The following ARMC2 variants were observed in gnomAD, a reference collection of about 807,000 sequenced individuals.
ARMC2 encodes armadillo repeat-containing protein 2.
A neutral mutation model predicts 90.3 loss-of-function variants in ARMC2; 67 were observed. That is an observed-to-expected ratio of 0.74 (90% CI 0.61 to 0.91). The LOEUF (loss-of-function observed/expected upper bound fraction) is 0.91, where lower values mean the gene tolerates loss of function less well. ARMC2 is among the 40% of genes least tolerant of loss of function. The pLI, the probability that ARMC2 is intolerant of heterozygous loss-of-function variation, is 0.00. For missense variants in ARMC2, 920 were observed against 1,030.9 expected, an observed-to-expected ratio of 0.89 and a Z score of 1.47; for synonymous variants, 393 against 393.0, an observed-to-expected ratio of 1.00 and a Z score of 0.00.
At chr6:109,000,560 T>C in the ARMC2 span, 1 of 1,611,854 alleles carries the variant, frequency 6.2e-7, no homozygotes, top group Non-Finnish European at 8.5e-7. Flanking sequence ...CTAAATTCTG[T>C]AGTTTTTGAG....
chr6:108,920,115 A>G (rs146891331), intron 10 of ARMC2, among the ~76,000 whole-genome samples: 454 of 152,304 alleles, frequency 3.0e-3, no homozygotes, highest in Middle Eastern at 0.01. Flanking sequence ...TTTTGAGATT[A>G]GATGAAGCTA....
At chr6:109,021,078 C>G in the ARMC2 span, among the ~76,000 whole-genome samples, 1 of 152,100 alleles carries the variant, frequency 6.6e-6, no homozygotes, top group East Asian at 1.9e-4. Context: ...ACAGCAGCCT[C>G]GAACTCTTGG....
chr6:109,002,573 G>C, the ARMC2 span, among the ~76,000 whole-genome samples: 1 of 152,186 alleles, frequency 6.6e-6, no homozygotes, highest in Non-Finnish European at 1.5e-5. Flanking sequence ...TAAAACCAGA[G>C]TTTTGCATAA....
chr6:108,971,140 C>G (rs1778738547), intron 17 of ARMC2, among the ~76,000 whole-genome samples: 1 of 152,112 alleles, frequency 6.6e-6, no homozygotes, highest in Non-Finnish European at 1.5e-5. Context: ...ACAAGGATCA[C>G]TTGAATCTGG....
chr6:109,009,666 A>G, the ARMC2 span: 4 of 597,922 alleles, frequency 6.7e-6, no homozygotes, highest in Non-Finnish European at 8.6e-6. Flanking sequence ...CCCGCAAAGC[A>G]CCGCCCCTCC....
chr6:108,944,485 C>A (rs1174871127), intron 12 of ARMC2, among the ~76,000 whole-genome samples: 1 of 152,180 alleles, frequency 6.6e-6, no homozygotes, highest in Non-Finnish European at 1.5e-5. Flanking sequence ...GAGAGATGGG[C>A]ACAGGCTCTA....
At chr6:108,952,464 CAG>C (rs1306375849) in intron 12 of ARMC2, among the ~76,000 whole-genome samples, 2 of 151,090 alleles carry the variant, frequency 1.3e-5, no homozygotes, top group East Asian at 2.0e-4. Context: ...CGCTTCTCCA[CAG>C]GGGGCAATTT....
chr6:108,958,149 G>A (rs537604764), intron 13 of ARMC2, among the ~76,000 whole-genome samples: 1 of 152,222 alleles, frequency 6.6e-6, no homozygotes, highest in South Asian at 2.1e-4. Flanking sequence ...CCATGATGTG[G>A]GGACCTCATG....
chr6:109,029,115 G>A, the ARMC2 span, among the ~76,000 whole-genome samples: 2 of 152,164 alleles, frequency 1.3e-5, no homozygotes, highest in South Asian at 4.1e-4. Flanking sequence ...ATTATTTACT[G>A]TGGAAGATTT....
intron 9 of ARMC2, 50 bp from the exon 10 acceptor site, chr6:108,912,285 C>A: frequency 7.5e-7 from 1 of 1,332,464 alleles, no homozygotes; most frequent in Non-Finnish European, 1.0e-6. Flanking sequence ...TAATATATTT[C>A]TCTCCAGCTG....
chr6:109,025,416 T>C, the ARMC2 span, among the ~76,000 whole-genome samples: 1 of 151,338 alleles, frequency 6.6e-6, no homozygotes, highest in Admixed American at 6.6e-5. Flanking sequence ...ACAATTCCAA[T>C]GAATATAAGC....
intron 10 of ARMC2, among the ~76,000 whole-genome samples, chr6:108,924,351 C>T (rs2806381): frequency 0.75 from 113,388 of 151,842 alleles, 42,608 homozygotes; most frequent in Middle Eastern, 0.81. Flanking sequence ...AACCCTGTCT[C>T]TACTAAAAAT....
intron 3 of ARMC2, among the ~76,000 whole-genome samples, chr6:108,864,033 T>C (rs1394068887): frequency 6.6e-6 from 1 of 152,150 alleles, no homozygotes; most frequent in Non-Finnish European, 1.5e-5. Context: ...ATATAAACCT[T>C]GGGGATGGGC....
the ARMC2 span, among the ~76,000 whole-genome samples, chr6:109,025,990 A>G: frequency 6.6e-6 from 1 of 152,092 alleles, no homozygotes; most frequent in Non-Finnish European, 1.5e-5. Context: ...CTCATGCAGA[A>G]TAACTTAAAA....
At chr6:109,034,001 C>T in the ARMC2 span, among the ~76,000 whole-genome samples, 2 of 152,092 alleles carry the variant, frequency 1.3e-5, no homozygotes, top group Non-Finnish European at 2.9e-5. Context: ...ATGTCCTCAC[C>T]CACACAATGG....
the ARMC2 span, among the ~76,000 whole-genome samples, chr6:109,017,376 C>T: frequency 6.6e-6 from 1 of 152,126 alleles, no homozygotes; most frequent in Non-Finnish European, 1.5e-5. Context: ...AGCTCCACTG[C>T]CCGGGTTCAC....
chr6:108,873,291 G>A (rs992616707), intron 4 of ARMC2, among the ~76,000 whole-genome samples: 7 of 152,018 alleles, frequency 4.6e-5, no homozygotes, highest in African/African-American at 1.7e-4. Context: ...CAGGCTATAC[G>A]AAAATGAGAT....
the ARMC2 span, among the ~76,000 whole-genome samples, chr6:109,015,530 G>A: frequency 6.6e-6 from 1 of 152,192 alleles, no homozygotes; most frequent in Non-Finnish European, 1.5e-5. Context: ...AAAAGAAAGT[G>A]TCTGTTGAGA....
At chr6:108,897,792 G>A (rs1268511097) in intron 6 of ARMC2, among the ~76,000 whole-genome samples, 1 of 152,090 alleles carries the variant, frequency 6.6e-6, no homozygotes, top group Non-Finnish European at 1.5e-5. Context: ...ATGCCATTAT[G>A]TGTTATCTAT....
Sources: gnomAD v4.1 joint callset for allele counts (sites outside exome capture counted in the v4.1 genomes callset) on GRCh38, gnomAD v4.1.1 for gene constraint, MANE v1.5 for transcripts, NCBI Gene and HGNC (gene_info 2026-07-23, HGNC 2026-07-21) for gene names.